Variants in ZCCHC10 observed in about 807,000 individuals in gnomAD.
ZCCHC10 encodes zinc finger CCHC-type containing 10, also known as zinc finger CCHC domain-containing protein 10.
A neutral mutation model predicts 19.5 loss-of-function variants in ZCCHC10; 16 were observed. The observed-to-expected ratio is 0.82, with a 90% CI of 0.56 to 1.25. ZCCHC10 has a LOEUF of 1.25. Among genes scored for constraint, ZCCHC10 ranks in the 50% most tolerant of loss-of-function variants. The pLI is 0.00. For synonymous variants in ZCCHC10, 67 were observed against 72.5 expected, an observed-to-expected ratio of 0.92 and a Z score of 0.38; for missense variants, 197 against 201.0, an observed-to-expected ratio of 0.98 and a Z score of 0.12.
intron 1 of ZCCHC10, 40 bp from the exon 2 acceptor site, chr5:133,022,946 A>C (rs1389707566): frequency 4.0e-6 from 2 of 501,484 alleles, no homozygotes; most frequent in East Asian, 6.7e-5. Context: ...GGTAAGTCTG[A>C]CACTTAAGTC....
chr5:133,026,391 A>G, intron 1 of ZCCHC10, 106 bp downstream of exon 1: 1 of 1,482,314 alleles, frequency 6.7e-7, no homozygotes, highest in Non-Finnish European at 9.2e-7. Context: ...AGTGTTTGAG[A>G]AACGGACATT....
chr5:133,025,528 A>AAG, intron 1 of ZCCHC10, among the ~76,000 whole-genome samples: 1 of 147,160 alleles, frequency 6.8e-6, no homozygotes, highest in South Asian at 2.1e-4. Flanking sequence ...AAAAAAAAAA[A>AAG]AAAAAGAAAG....
At chr5:133,013,059 A>AT (rs1191592235) in intron 2 of ZCCHC10, among the ~76,000 whole-genome samples, 2 of 122,640 alleles carry the variant, frequency 1.6e-5, no homozygotes, top group Non-Finnish European at 3.4e-5. Context: ...TCAAAAAAAA[A>AT]TTAAAAAAAA....
intron 3 of ZCCHC10, among the ~76,000 whole-genome samples, chr5:133,001,471 T>C (rs897865405): frequency 2.0e-5 from 3 of 152,056 alleles, no homozygotes; most frequent in African/African-American, 7.2e-5. Context: ...TTAACTTTTT[T>C]TTTTCTTTTT....
intron 2 of ZCCHC10, chr5:133,019,009 T>C: frequency 2.3e-6 from 1 of 436,164 alleles, no homozygotes. Context: ...CTTGGGACCC[T>C]AGTCATTAAA....
rs568311332 is a variant in ZCCHC10, at chr5:133,019,539, T to C, written c.107+3302A>G. 2.0e-5 allele frequency among the ~76,000 whole-genome samples: 3 copies of C among 152,354 alleles called. No homozygotes were observed. The South Asian group carries it at 6.2e-4, about 32-fold the overall frequency. On this transcript the variant is annotated intron_variant, in intron 2 of 4. Transcript: ENST00000509437. ...TGCCATATTGGCAAAGTTGTTTTTTTAATGCCTATTGTTGGCAAAAGCAGG... is the reference window on the plus strand; with the variant it reads ...TGCCATATTGGCAAAGTTGTTTTTTCAATGCCTATTGTTGGCAAAAGCAGG...
intron 2 of ZCCHC10, among the ~76,000 whole-genome samples, chr5:133,020,973 T>C (rs1443842700): frequency 1.3e-5 from 2 of 152,118 alleles, no homozygotes; most frequent in African/African-American, 4.8e-5. Flanking sequence ...CTCGGCTTAC[T>C]GCAAGCTCTG....
intron 2 of ZCCHC10, chr5:133,011,341 T>C (rs928146007): frequency 6.6e-6 from 1 of 151,310 alleles, no homozygotes; most frequent in African/African-American, 2.4e-5. Flanking sequence ...AAACAAACCT[T>C]AGGCCAGGCA....
At chr5:133,004,137 A>G (rs1762954207) in intron 3 of ZCCHC10, among the ~76,000 whole-genome samples, 1 of 151,720 alleles carries the variant, frequency 6.6e-6, no homozygotes, top group African/African-American at 2.4e-5. Flanking sequence ...TATTTTTTCA[A>G]TAGAGATGGC....
At chr5:133,020,236 G>C (rs1764212151) in intron 2 of ZCCHC10, among the ~76,000 whole-genome samples, 1 of 151,922 alleles carries the variant, frequency 6.6e-6, no homozygotes, top group African/African-American at 2.4e-5. Flanking sequence ...GAAGGCCAAG[G>C]CAGATCACTT....
chr5:133,012,182 A>T (rs1263524478), intron 2 of ZCCHC10, among the ~76,000 whole-genome samples: 4 of 150,448 alleles, frequency 2.7e-5, no homozygotes, highest in Admixed American at 6.6e-5. Flanking sequence ...AAAAGAAAAA[A>T]GTGGGCCAGG....
chr5:132,998,585 A>C lies in ZCCHC10; in HGVS notation c.577T>G (p.Ter193GluextTer11). ...AGTCCAATATGAATGGAGCAACTCT[A>C]TTTCTTTTTCTTCTTCTTTGGTGGT... ...DEPPKKKKKK[*>E] Residue 193 changes from the stop codon to glutamate, a stop_lost, in exon 5 of 5, where the codon TAG (stop) becomes GAG (glutamate). Transcript: ENST00000509437. 1 of 1,612,232 alleles carries C rather than the reference A, an allele frequency of 6.2e-7. No individual in the cohort carries two copies. The highest frequency in any genetic ancestry group is 8.5e-7 in the Non-Finnish European group (1 of 1,179,438).
At chr5:133,003,231 G>A in intron 3 of ZCCHC10, 2 of 401,006 alleles carry the variant, frequency 5.0e-6, no homozygotes, top group Admixed American at 2.7e-5. Flanking sequence ...CTCTGACATT[G>A]TTCAATCCAG....
chr5:133,000,685 T>C (rs1762711950), intron 3 of ZCCHC10, among the ~76,000 whole-genome samples: 1 of 150,444 alleles, frequency 6.6e-6, no homozygotes, highest in African/African-American at 2.5e-5. Flanking sequence ...TGTTCTGCTG[T>C]CCAGGCTGGT....
intron 3 of ZCCHC10, chr5:133,003,019 C>A: frequency 5.7e-6 from 1 of 176,362 alleles, no homozygotes; most frequent in South Asian, 1.3e-4. Flanking sequence ...CACGCCCGGC[C>A]TTTTTTTAAG....
Position 133,008,278 on chromosome 5 carries a change from G to A in ZCCHC10, c.108-1358C>T, listed in dbSNP as rs144953097. 9.0e-4 allele frequency among the ~76,000 whole-genome samples: 130 copies of A among 143,980 alleles called. 2 individuals are homozygous for A. Among genetic ancestry groups the A allele is most frequent in the South Asian group, 1.3e-3 (6 of 4,554 alleles). The allele number at this position is 143,980 out of a possible 152,430, so 94.5% of individuals were successfully genotyped here. Reference sequence around the variant, plus strand: ...AATCAGGCCGGGAGCAGTGGCTCACGCCTGTAATCCCAGCACTTTGGGAGG... The same window carrying A: ...AATCAGGCCGGGAGCAGTGGCTCACACCTGTAATCCCAGCACTTTGGGAGG... On this transcript the variant is annotated intron_variant, in intron 2 of 4. Coordinates refer to ENST00000509437, the MANE Select transcript of ZCCHC10 (RefSeq NM_001300816.3).
At chr5:133,022,094 C>T (rs1764350755) in intron 2 of ZCCHC10, among the ~76,000 whole-genome samples, 1 of 151,948 alleles carries the variant, frequency 6.6e-6, no homozygotes, top group South Asian at 2.1e-4. Flanking sequence ...CCGCACCCGG[C>T]CTACTTTATA....
intron 2 of ZCCHC10, chr5:133,019,146 G>C (rs189451862): frequency 2.3e-6 from 1 of 442,532 alleles, no homozygotes; most frequent in Admixed American, 2.5e-5. Context: ...CACTTTGAGA[G>C]GCCAAGGCAG....
chr5:133,021,514 T>C (rs899303138), intron 2 of ZCCHC10, among the ~76,000 whole-genome samples: 3 of 152,172 alleles, frequency 2.0e-5, no homozygotes, highest in Non-Finnish European at 4.4e-5. Flanking sequence ...CAATTCTCCA[T>C]AGGTTGATCT....
Sources: gnomAD v4.1 joint callset for allele counts (sites outside exome capture counted in the v4.1 genomes callset) on GRCh38, gnomAD v4.1.1 for gene constraint, MANE v1.5 for transcripts, NCBI Gene and HGNC (gene_info 2026-07-23, HGNC 2026-07-21) for gene names.